The following DCC variants were observed in gnomAD, a reference collection of about 807,000 sequenced individuals.
The protein encoded by DCC is netrin receptor DCC.
In DCC, 58 loss-of-function variants were observed where a neutral mutation model predicts 172.5. The ratio of observed to expected loss-of-function variants is 0.34; its 90% CI spans 0.27 to 0.42. DCC has a LOEUF of 0.42. Ranked by LOEUF, DCC falls within the 10% of genes least tolerant of loss-of-function variation. The pLI, the probability that DCC is intolerant of heterozygous loss-of-function variation, is 1.00. For missense variants in DCC, 1,740 were observed against 1,791.0 expected, an observed-to-expected ratio of 0.97 and a Z score of 0.51; for synonymous variants, 709 against 644.5, an observed-to-expected ratio of 1.10 and a Z score of -1.52.
At chr18:53,451,883 T>C (rs1353736839) in intron 23 of DCC, among the ~76,000 whole-genome samples, 1 of 152,112 alleles carries the variant, frequency 6.6e-6, no homozygotes, top group Non-Finnish European at 1.5e-5. Context: ...GGGGTGTAGA[T>C]GCAGGCTTTG....
At chr18:52,823,255 G>A (rs188206288) in intron 2 of DCC, among the ~76,000 whole-genome samples, 1 of 152,164 alleles carries the variant, frequency 6.6e-6, no homozygotes, top group Admixed American at 6.5e-5. Flanking sequence ...GATTACTTGA[G>A]GCCAGGAGTT....
intron 1 of DCC, among the ~76,000 whole-genome samples, chr18:52,484,376 G>T (rs1334865140): frequency 6.6e-6 from 1 of 151,996 alleles, no homozygotes; most frequent in African/African-American, 2.4e-5. Context: ...TTGCCTGAAG[G>T]GAGAGGCGGA....
intron 1 of DCC, among the ~76,000 whole-genome samples, chr18:52,740,410 A>G (rs2036801728): frequency 6.6e-6 from 1 of 152,220 alleles, no homozygotes; most frequent in African/African-American, 2.4e-5. Flanking sequence ...CACAGTAAAT[A>G]TCATGACAAA....
intron 25 of DCC, among the ~76,000 whole-genome samples, chr18:53,484,088 C>T (rs560011304): frequency 8.6e-5 from 13 of 151,828 alleles, no homozygotes; most frequent in African/African-American, 2.7e-4. Flanking sequence ...ACAATTTGAA[C>T]TTCTCCCAAA....
chr18:52,930,339 G>C (rs1871639400), intron 5 of DCC, among the ~76,000 whole-genome samples: 1 of 152,044 alleles, frequency 6.6e-6, no homozygotes, highest in South Asian at 2.1e-4. Context: ...TGCACCTGTA[G>C]TCCCAGCTAC....
At chr18:53,483,280 A>C (rs2045859404) in intron 25 of DCC, among the ~76,000 whole-genome samples, 1 of 151,818 alleles carries the variant, frequency 6.6e-6, no homozygotes, top group Admixed American at 6.6e-5. Context: ...TTATTGAGGC[A>C]TTGTGCTTTG....
chr18:52,659,332 G>C (rs913539568), intron 1 of DCC, among the ~76,000 whole-genome samples: 9 of 152,118 alleles, frequency 5.9e-5, no homozygotes, highest in African/African-American at 1.9e-4. Flanking sequence ...AGCAAAGAAA[G>C]GGGACCAAGT....
chr18:53,383,600 T>G (rs980933692), intron 15 of DCC, among the ~76,000 whole-genome samples: 8 of 150,704 alleles, frequency 5.3e-5, no homozygotes, highest in Non-Finnish European at 1.2e-4. Context: ...AGAAGCTGCT[T>G]CTTTTTAATA....
chr18:53,502,904 T>C (rs1162377365), intron 27 of DCC, among the ~76,000 whole-genome samples: 2 of 152,136 alleles, frequency 1.3e-5, no homozygotes, highest in Non-Finnish European at 2.9e-5. Flanking sequence ...GCAGGTTTGT[T>C]ACATAGTTAA....
chr18:52,493,801 G>C (rs2144610000), intron 1 of DCC, among the ~76,000 whole-genome samples: 1 of 152,080 alleles, frequency 6.6e-6, no homozygotes, highest in South Asian at 2.1e-4. Context: ...GTCAGTAATG[G>C]TAGAATCTGA....
chr18:52,579,729 T>C lies in DCC; in HGVS notation c.92-172325T>C, dbSNP rs12961437. ...AGTCTTCTTTTAAGGAACGTTAGGATGGACCTATCTGGAATTGTCATGAGT... is the reference window on the plus strand; with the variant it reads ...AGTCTTCTTTTAAGGAACGTTAGGACGGACCTATCTGGAATTGTCATGAGT... On this transcript the variant is annotated intron_variant, in intron 1 of 28. Transcript: ENST00000442544. 5.6e-4 allele frequency among the ~76,000 whole-genome samples: 85 copies of C among 152,242 alleles called. 1 individual carries two copies. In the East Asian group the frequency reaches 0.015, roughly 27 times the overall value.
At chr18:52,976,982 A>G (rs1213557628) in intron 5 of DCC, among the ~76,000 whole-genome samples, 1 of 152,170 alleles carries the variant, frequency 6.6e-6, no homozygotes, top group East Asian at 1.9e-4. Context: ...TTGTTAATAA[A>G]CACTTACTCT....
chr18:53,284,305 C>T (rs62097985), intron 12 of DCC, among the ~76,000 whole-genome samples: 44,385 of 152,024 alleles, frequency 0.29, 8,343 homozygotes, highest in Non-Finnish European at 0.43. Flanking sequence ...CCATCCAAAT[C>T]TCATCTTGAA....
chr18:53,158,989 A>C (rs1442281371), intron 8 of DCC, among the ~76,000 whole-genome samples: 1 of 94,518 alleles, frequency 1.1e-5, no homozygotes, highest in Non-Finnish European at 2.1e-5. Context: ...ACGCCATCTC[A>C]AAAAAAAAAA....
intron 10 of DCC, 22 bp from the exon 11 acceptor site, chr18:53,207,656 GT>G (rs2055674147): frequency 1.2e-6 from 2 of 1,610,822 alleles, no homozygotes; most frequent in African/African-American, 2.7e-5. Flanking sequence ...CTTGATAACA[GT>G]TTTGGTGTTT....
intron 1 of DCC, among the ~76,000 whole-genome samples, chr18:52,633,011 C>A (rs528078276): frequency 6.6e-6 from 1 of 152,170 alleles, no homozygotes; most frequent in Non-Finnish European, 1.5e-5. Flanking sequence ...AATTAGTAAC[C>A]TTTCTGTCAG....
chr18:52,467,792 T>C (rs930003692), intron 1 of DCC, among the ~76,000 whole-genome samples: 1 of 152,212 alleles, frequency 6.6e-6, no homozygotes, highest in African/African-American at 2.4e-5. Flanking sequence ...ATTTCTCTAA[T>C]GACTAGTGAT....
chr18:52,829,966 T>G (rs2038584356), intron 2 of DCC, among the ~76,000 whole-genome samples: 1 of 152,016 alleles, frequency 6.6e-6, no homozygotes, highest in South Asian at 2.1e-4. Context: ...AGATGACATT[T>G]GAGTGAAGAT....
intron 11 of DCC, among the ~76,000 whole-genome samples, chr18:53,208,753 G>A (rs1178790349): frequency 1.3e-5 from 2 of 151,762 alleles, no homozygotes; most frequent in African/African-American, 4.8e-5. Context: ...TTTTGGAAAC[G>A]GAGTCTCGCT....
Sources: gnomAD v4.1 joint callset for allele counts (sites outside exome capture counted in the v4.1 genomes callset) on GRCh38, gnomAD v4.1.1 for gene constraint, MANE v1.5 for transcripts, NCBI Gene and HGNC (gene_info 2026-07-23, HGNC 2026-07-21) for gene names.